Variants in TMEM117 observed in about 807,000 individuals in gnomAD.
TMEM117 encodes the protein transmembrane protein 117.
TMEM117 carries 27 observed loss-of-function variants against 52.4 expected under a neutral mutation model. The observed-to-expected ratio is 0.51, with a 90% confidence interval of 0.38 to 0.71. The LOEUF is 0.71. Among genes scored for constraint, TMEM117 ranks in the 30% least tolerant of loss-of-function variants. The pLI is 0.00. For synonymous variants in TMEM117, 215 were observed against 206.3 expected (o/e 1.04, Z -0.36); for missense variants, 556 against 630.5 (o/e 0.88, Z 1.26).
At position 43,924,900 on chromosome 12, in the gene TMEM117, G is replaced by A. The variant is rs548603432; in HGVS notation, c.278-19310G>A. 1.2e-4 allele frequency among the ~76,000 whole-genome samples: 18 copies of A among 152,274 alleles called. No individual in the cohort carries two copies. In the East Asian group the frequency reaches 3.1e-3, roughly 26 times the overall value. ...GTTCTGGCTTGGGATCTCTCATGAGGTTGTTGTGACTATATCAGCCAGAGC... is the reference window on the plus strand; with the variant it reads ...GTTCTGGCTTGGGATCTCTCATGAGATTGTTGTGACTATATCAGCCAGAGC... On this transcript the variant is annotated intron_variant, in intron 2 of 7. Coordinates refer to ENST00000266534, the MANE Select transcript of TMEM117 (RefSeq NM_032256.3).
intron 3 of TMEM117, among the ~76,000 whole-genome samples, chr12:43,994,736 G>T (rs1945999604): frequency 6.6e-6 from 1 of 152,042 alleles, no homozygotes; most frequent in Admixed American, 6.6e-5. Flanking sequence ...ATGCTCAAGA[G>T]AAATCATGTT....
At chr12:43,881,335 T>G (rs1284175330) in intron 2 of TMEM117, among the ~76,000 whole-genome samples, 2 of 152,208 alleles carry the variant, frequency 1.3e-5, no homozygotes, top group Non-Finnish European at 2.9e-5. Context: ...TTTGTGTCAG[T>G]AAGCATAAGA....
intron 5 of TMEM117, among the ~76,000 whole-genome samples, chr12:44,227,281 T>A (rs1285834871): frequency 6.6e-6 from 1 of 152,118 alleles, no homozygotes; most frequent in Non-Finnish European, 1.5e-5. Flanking sequence ...GAGACCAGCC[T>A]GGACAACATG....
chr12:44,248,186 A>G (rs1191533603), intron 5 of TMEM117, among the ~76,000 whole-genome samples: 2 of 152,028 alleles, frequency 1.3e-5, no homozygotes, highest in Non-Finnish European at 2.9e-5. Flanking sequence ...AGATGGGTGA[A>G]TTTCTGGAGA....
chr12:43,873,960 A>G (rs1040191979), intron 2 of TMEM117, among the ~76,000 whole-genome samples: 4 of 151,892 alleles, frequency 2.6e-5, no homozygotes, highest in African/African-American at 9.7e-5. Context: ...AGTTATAATT[A>G]TTTTTTGTTG....
In TMEM117 at chr12:43,986,389, G is replaced by A. The variant is rs1168373735; in HGVS notation, c.410+42047G>A. On this transcript the variant is annotated intron_variant, in intron 3 of 7. Transcript: ENST00000266534. The stretch of plus-strand genomic sequence containing the variant: ...TCTCTTTTAAATGATAGTATAACTG[G>A]ATATAGGATTAGAATTTGACTATTA... 2.6e-5 allele frequency among the ~76,000 whole-genome samples: 4 copies of A among 152,080 alleles called. No homozygotes were observed. In the East Asian group the frequency reaches 7.7e-4, roughly 29 times the overall value.
At chr12:43,925,893 A>T (rs1290426332) in intron 2 of TMEM117, among the ~76,000 whole-genome samples, 1 of 152,112 alleles carries the variant, frequency 6.6e-6, no homozygotes, top group Non-Finnish European at 1.5e-5. Context: ...AGACTATTGA[A>T]ATGATTGGAA....
At chr12:44,088,018 G>A (rs1026405392) in intron 3 of TMEM117, among the ~76,000 whole-genome samples, 1 of 152,108 alleles carries the variant, frequency 6.6e-6, no homozygotes, top group Non-Finnish European at 1.5e-5. Context: ...AAATACAAAT[G>A]TACACAAGCA....
At chr12:44,240,680 A>T (rs1950050728) in intron 5 of TMEM117, among the ~76,000 whole-genome samples, 1 of 152,006 alleles carries the variant, frequency 6.6e-6, no homozygotes, top group African/African-American at 2.4e-5. Context: ...TATCATAGAG[A>T]CTGTTTTGCA....
intron 3 of TMEM117, among the ~76,000 whole-genome samples, chr12:43,988,584 G>A (rs1565782312): frequency 6.6e-6 from 1 of 152,040 alleles, no homozygotes; most frequent in Admixed American, 6.6e-5. Flanking sequence ...ACAGCATGAA[G>A]TATTTCAATG....
chr12:44,148,296 A>G (rs1948674186), intron 4 of TMEM117, among the ~76,000 whole-genome samples: 1 of 152,348 alleles, frequency 6.6e-6, no homozygotes, highest in East Asian at 1.9e-4. Context: ...GAGTTTCATT[A>G]GAGCCAGACA....
intron 3 of TMEM117, among the ~76,000 whole-genome samples, chr12:43,952,995 T>C (rs1934330634): frequency 6.6e-6 from 1 of 152,130 alleles, no homozygotes; most frequent in Non-Finnish European, 1.5e-5. Flanking sequence ...ATATTCAACA[T>C]TCTTAAAGAA....
chr12:44,364,760 ATCT>A (rs1290094883), intron 6 of TMEM117, among the ~76,000 whole-genome samples: 2 of 152,066 alleles, frequency 1.3e-5, no homozygotes, highest in African/African-American at 4.8e-5. Context: ...ACCCATATAG[ATCT>A]TCTTGTGTTT....
chr12:44,371,517 A>G (rs975220969), intron 6 of TMEM117, among the ~76,000 whole-genome samples: 3 of 152,134 alleles, frequency 2.0e-5, no homozygotes, highest in Non-Finnish European at 2.9e-5. Flanking sequence ...AGAAAATGCA[A>G]CTTTTGTTCT....
chr12:43,841,042 C>T (rs1441303478), intron 1 of TMEM117, among the ~76,000 whole-genome samples: 3 of 152,188 alleles, frequency 2.0e-5, no homozygotes, highest in Non-Finnish European at 2.9e-5. Flanking sequence ...TGTACGAAGT[C>T]ATGAAGTGAG....
At chr12:44,194,281 G>A (rs1949390905) in intron 4 of TMEM117, among the ~76,000 whole-genome samples, 1 of 152,146 alleles carries the variant, frequency 6.6e-6, no homozygotes, top group South Asian at 2.1e-4. Flanking sequence ...AAAAGCTTAA[G>A]CAAGTGTTAA....
chr12:43,976,453 G>C (rs1945671836), intron 3 of TMEM117, among the ~76,000 whole-genome samples: 1 of 152,150 alleles, frequency 6.6e-6, no homozygotes, highest in Non-Finnish European at 1.5e-5. Context: ...TAATGACAAA[G>C]GCTTGGAGCA....
chr12:43,895,581 A>T (rs1341115638), intron 2 of TMEM117, among the ~76,000 whole-genome samples: 1 of 152,232 alleles, frequency 6.6e-6, no homozygotes, highest in African/African-American at 2.4e-5. Context: ...GGTGAATGAC[A>T]CCATCTTCAA....
At chr12:44,256,374 T>C (rs1192365041) in intron 5 of TMEM117, among the ~76,000 whole-genome samples, 2 of 152,024 alleles carry the variant, frequency 1.3e-5, no homozygotes, top group Non-Finnish European at 1.5e-5. Context: ...CAAAATGTCA[T>C]GTTTTAACCT....
Sources: gnomAD v4.1 joint callset for allele counts (sites outside exome capture counted in the v4.1 genomes callset) on GRCh38, gnomAD v4.1.1 for gene constraint, MANE v1.5 for transcripts, NCBI Gene and HGNC (gene_info 2026-07-23, HGNC 2026-07-21) for gene names.